The following SLC24A2 variants were observed in gnomAD, a reference collection of about 807,000 sequenced individuals.
SLC24A2 encodes sodium/potassium/calcium exchanger 2.
SLC24A2 carries 36 observed loss-of-function variants against 62.0 expected under a neutral mutation model. The observed-to-expected ratio is 0.58, with a 90% CI of 0.44 to 0.77. The LOEUF (loss-of-function observed/expected upper bound fraction) is 0.77. Ranked by LOEUF, SLC24A2 falls within the 30% of genes least tolerant of loss-of-function variation. SLC24A2 has a pLI of 0.00. For missense variants in SLC24A2, 846 were observed against 817.9 expected, an observed-to-expected ratio of 1.03 and a Z score of -0.42; for synonymous variants, 358 against 294.0, an observed-to-expected ratio of 1.22 and a Z score of -2.23.
chr9:20,289,432 G>A, the SLC24A2 span, among the ~76,000 whole-genome samples: 5 of 152,206 alleles, frequency 3.3e-5, no homozygotes, highest in South Asian at 8.3e-4. Flanking sequence ...GGTTACCGGA[G>A]TTATTAAGAG....
chr9:19,788,847 G>C, intron 1 of SLC24A2, 38 bp downstream of exon 1: 1 of 985,478 alleles, frequency 1.0e-6, no homozygotes, highest in Non-Finnish European at 1.2e-6. Flanking sequence ...CGCCACAGCG[G>C]CTACAGCGGC....
chr9:19,529,089 G>A (rs1405689405), intron 8 of SLC24A2, among the ~76,000 whole-genome samples: 1 of 152,156 alleles, frequency 6.6e-6, no homozygotes, highest in South Asian at 2.1e-4. Context: ...CACTCAGACA[G>A]CACAATGCTG....
the SLC24A2 span, among the ~76,000 whole-genome samples, chr9:20,258,764 TTATC>T: frequency 0.13 from 18,841 of 139,588 alleles, 1,321 homozygotes; most frequent in Middle Eastern, 0.18. Flanking sequence ...CTCCTCTCAT[TTATC>T]TATCTATCTA....
At chr9:20,002,889 C>G in the SLC24A2 span, among the ~76,000 whole-genome samples, 1 of 152,204 alleles carries the variant, frequency 6.6e-6, no homozygotes, top group Non-Finnish European at 1.5e-5. Context: ...CATCCTCCAC[C>G]TACCTGTAGG....
At chr9:20,233,719 C>A in the SLC24A2 span, among the ~76,000 whole-genome samples, 1 of 152,122 alleles carries the variant, frequency 6.6e-6, no homozygotes, top group Non-Finnish European at 1.5e-5. Flanking sequence ...GCATTTAGTC[C>A]ATTTACATTT....
the SLC24A2 span, among the ~76,000 whole-genome samples, chr9:20,155,442 G>T: frequency 6.6e-6 from 1 of 151,736 alleles, no homozygotes; most frequent in East Asian, 1.9e-4. Flanking sequence ...AATTACAGAA[G>T]AGATCATTTA....
At chr9:20,098,507 C>G in the SLC24A2 span, among the ~76,000 whole-genome samples, 1 of 152,180 alleles carries the variant, frequency 6.6e-6, no homozygotes, top group Non-Finnish European at 1.5e-5. Context: ...ACCAAAGGAG[C>G]CATGTTGTCC....
At chr9:20,280,940 T>C in the SLC24A2 span, among the ~76,000 whole-genome samples, 1 of 152,130 alleles carries the variant, frequency 6.6e-6, no homozygotes, top group Non-Finnish European at 1.5e-5. Context: ...CCCTAGAGCA[T>C]CTGGAGGAAC....
chr9:20,244,056 C>T, the SLC24A2 span, among the ~76,000 whole-genome samples: 1 of 152,152 alleles, frequency 6.6e-6, no homozygotes, highest in Non-Finnish European at 1.5e-5. Flanking sequence ...GCAGCCCATG[C>T]AGGATGGCTT....
At chr9:19,540,154 T>C (rs1328455581) in intron 8 of SLC24A2, among the ~76,000 whole-genome samples, 1 of 41,740 alleles carries the variant, frequency 2.4e-5, no homozygotes, top group Admixed American at 2.9e-4. Flanking sequence ...CTTGACTCTT[T>C]ATCCAACTTG....
the SLC24A2 span, among the ~76,000 whole-genome samples, chr9:20,085,774 T>C: frequency 4.6e-5 from 7 of 152,366 alleles, no homozygotes; most frequent in African/African-American, 1.7e-4. Flanking sequence ...CCAAAATTTT[T>C]TCAAATATGC....
chr9:20,071,230 G>C, the SLC24A2 span, among the ~76,000 whole-genome samples: 4 of 151,986 alleles, frequency 2.6e-5, no homozygotes, highest in Non-Finnish European at 5.9e-5. Context: ...GTCTCAGGTA[G>C]TTTTTTTTAT....
chr9:20,292,800 G>A, the SLC24A2 span, among the ~76,000 whole-genome samples: 1 of 152,206 alleles, frequency 6.6e-6, no homozygotes, highest in African/African-American at 2.4e-5. Flanking sequence ...ACCTTGCCCA[G>A]GCTAGTCTCA....
chr9:19,751,751 C>A (rs1049079126), intron 2 of SLC24A2, among the ~76,000 whole-genome samples: 6 of 152,156 alleles, frequency 3.9e-5, no homozygotes, highest in African/African-American at 1.4e-4. Flanking sequence ...CCTTCCTGAA[C>A]ATTACGGATA....
At chr9:20,263,151 C>T in the SLC24A2 span, among the ~76,000 whole-genome samples, 1 of 152,192 alleles carries the variant, frequency 6.6e-6, no homozygotes, top group Non-Finnish European at 1.5e-5. Flanking sequence ...TTTTATGTTT[C>T]TTCACTACTG....
At chr9:19,971,441 A>G in the SLC24A2 span, among the ~76,000 whole-genome samples, 1 of 152,206 alleles carries the variant, frequency 6.6e-6, no homozygotes, top group African/African-American at 2.4e-5. Flanking sequence ...TATGAAAGCT[A>G]CAGTAGGGAT....
the SLC24A2 span, among the ~76,000 whole-genome samples, chr9:20,084,547 A>G: frequency 7.8e-6 from 1 of 128,432 alleles, no homozygotes; most frequent in Non-Finnish European, 1.5e-5. Context: ...AGAACTTATT[A>G]TTAAACATTC....
chr9:20,108,935 T>C, the SLC24A2 span, among the ~76,000 whole-genome samples: 2 of 152,176 alleles, frequency 1.3e-5, no homozygotes, highest in South Asian at 2.1e-4. Flanking sequence ...TAGTCAACAA[T>C]AGAGCACATA....
intron 2 of SLC24A2, among the ~76,000 whole-genome samples, chr9:19,669,215 C>T (rs554733555): frequency 2.0e-4 from 31 of 152,230 alleles, no homozygotes; most frequent in Non-Finnish European, 3.4e-4. Flanking sequence ...AGAGGCTCAC[C>T]CTTGCTCTGG....
Sources: allele counts gnomAD v4.1 joint callset (sites outside exome capture counted in the v4.1 genomes callset), GRCh38; gene constraint gnomAD v4.1.1; transcripts MANE v1.5; gene names NCBI Gene and HGNC (gene_info 2026-07-23, HGNC 2026-07-21).